The following LOXHD1 variants were observed in gnomAD, a reference collection of about 807,000 sequenced individuals.
LOXHD1 encodes lipoxygenase homology domain-containing protein 1.
A neutral mutation model predicts 248.2 loss-of-function variants in LOXHD1; 205 were observed. The observed-to-expected ratio is 0.83, with a 90% CI of 0.74 to 0.93. The LOEUF (loss-of-function observed/expected upper bound fraction) is 0.93. LOXHD1 is among the 40% of genes least tolerant of loss of function. LOXHD1 has a pLI of 0.00. For synonymous variants in LOXHD1, 1,113 were observed against 1,162.8 expected (o/e 0.96, Z 0.87); for missense variants, 2,930 against 2,971.6 (o/e 0.99, Z 0.33).
chr18:46,507,545 G>A lies in LOXHD1; in HGVS notation c.5685C>T (p.Asp1895=), dbSNP rs1271124648. 1.3e-6 allele frequency: 2 copies of A among 1,551,750 alleles called. No homozygotes were observed. ...TSYTVAVKTS[D]ILGAGTDANV... is the part of the protein sequence containing the mutation. ...GAGGGACCCCCGACCCACCCAGGATGTCGCTGGTCTTAACTGCGACGGTGT... is the reference window on the plus strand; with the variant it reads ...GAGGGACCCCCGACCCACCCAGGATATCGCTGGTCTTAACTGCGACGGTGT... Residue 1895 remains aspartate (D), a synonymous_variant, in exon 36 of 41, where the codon GAC becomes GAT. Transcript: ENST00000642948.
chr18:46,613,462 T>G (rs1415220252), intron 5 of LOXHD1, among the ~76,000 whole-genome samples: 3 of 152,132 alleles, frequency 2.0e-5, no homozygotes, highest in African/African-American at 4.8e-5. Flanking sequence ...GGTTTGTAAA[T>G]TCTCCTGGAT....
In LOXHD1 at chr18:46,522,151, C is replaced by T; in HGVS notation, c.5035G>A (p.Glu1679Lys). 1 of 1,551,648 alleles carries T rather than the reference C, an allele frequency of 6.4e-7. No individual in the cohort carries two copies. ...TCCAAGCCTGCGACGTAGAACTCCT[C>T]CACAGAGCCACGGCTGAAGCCCCTC... is the stretch of plus-strand genomic sequence containing the variant. ...GKRGFSRGSV[E>K]EFYVAGLDVG... The change falls in exon 32 of 41, where the codon GAG becomes AAG. Residue 1679 changes from glutamate to lysine, a missense_variant. Physicochemically the swap from Glu to Lys is moderately conservative, Grantham distance 56 (BLOSUM62 1). Transcript: ENST00000642948.
chr18:46,520,514 T>C lies in LOXHD1; in HGVS notation c.5271+583A>G, dbSNP rs146405804. The stretch of plus-strand genomic sequence containing the variant: ...CCTCCTGCCTGGCCTGACCTGTGCG[T>C]TTATATAATTTATCCCAGGTCATTT... On this transcript the variant is annotated intron_variant, in intron 33 of 40. Coordinates refer to ENST00000642948, the MANE Select transcript of LOXHD1 (RefSeq NM_001384474.1). 1.6e-3 allele frequency: 552 copies of C among 337,910 alleles called. 3 individuals are homozygous for C. Among genetic ancestry groups the C allele is most frequent in the African/African-American group, 0.011 (521 of 46,056 alleles). 20.9% of individuals were successfully genotyped at this position (337,910 alleles called of 1,614,324 possible). A position where few individuals can be genotyped will look rare whatever the true frequency, so the allele number is the denominator to read the frequency against.
chr18:46,581,313 A>C (rs1046526761), intron 12 of LOXHD1, among the ~76,000 whole-genome samples: 1 of 152,204 alleles, frequency 6.6e-6, no homozygotes, highest in Non-Finnish European at 1.5e-5. Flanking sequence ...GTGATGGATC[A>C]GATAGGTAAC....
At chr18:46,604,731 A>T (rs1411322999) in intron 6 of LOXHD1, among the ~76,000 whole-genome samples, 1 of 152,140 alleles carries the variant, frequency 6.6e-6, no homozygotes, top group Non-Finnish European at 1.5e-5. Context: ...CAGTAAGGCT[A>T]ATGGACTCTA....
intron 21 of LOXHD1, among the ~76,000 whole-genome samples, chr18:46,548,514 A>G (rs9949302): frequency 0.18 from 26,904 of 152,246 alleles, 2,586 homozygotes; most frequent in African/African-American, 0.24. Flanking sequence ...GGCAATATGA[A>G]CTAAGCTACC....
chr18:46,598,333 T>A (rs2038288596), intron 8 of LOXHD1, among the ~76,000 whole-genome samples: 3 of 152,126 alleles, frequency 2.0e-5, no homozygotes, highest in Admixed American at 2.0e-4. Flanking sequence ...TCTAAGAATG[T>A]CTACCATAAA....
intron 34 of LOXHD1, among the ~76,000 whole-genome samples, chr18:46,510,972 G>T (rs966468617): frequency 6.6e-6 from 1 of 152,130 alleles, no homozygotes; most frequent in Non-Finnish European, 1.5e-5. Flanking sequence ...CCTTACTCTT[G>T]CCAGGAGCAT....
At chr18:46,559,246 G>T in intron 20 of LOXHD1, 4 of 1,513,834 alleles carry the variant, frequency 2.6e-6, no homozygotes, top group African/African-American at 1.4e-5. Flanking sequence ...GGCTCTAGGT[G>T]CTGGGGCCCT....
chr18:46,504,566 C>T (rs577398276), intron 37 of LOXHD1, among the ~76,000 whole-genome samples: 1 of 152,172 alleles, frequency 6.6e-6, no homozygotes, highest in Non-Finnish European at 1.5e-5. Flanking sequence ...TATTTTATTG[C>T]CTTAAAGGCT....
chr18:46,601,085 C>T (rs191993527), intron 8 of LOXHD1, 132 bp downstream of exon 8: 1 of 1,234,428 alleles, frequency 8.1e-7, no homozygotes, highest in Non-Finnish European at 1.1e-6. Flanking sequence ...ACCCAAAATG[C>T]CCAATGAAAG....
rs79663149 is a variant in LOXHD1, at chr18:46,543,432, T to C, written c.3620-577A>G. 2.0e-4 allele frequency among the ~76,000 whole-genome samples: 30 copies of C among 152,328 alleles called. No individual in the cohort carries two copies. In the East Asian group the frequency reaches 4.8e-3, roughly 24 times the overall value. ...TTTATCTTTTAAAAAAAATTTTTTA[T>C]TACACTTTAAGTTCTGGGGTACACG... On this transcript the variant is annotated intron_variant, in intron 23 of 40. Coordinates refer to ENST00000642948, the MANE Select transcript of LOXHD1 (RefSeq NM_001384474.1).
At chr18:46,578,762 C>T (rs2037906308) in intron 13 of LOXHD1, among the ~76,000 whole-genome samples, 1 of 152,262 alleles carries the variant, frequency 6.6e-6, no homozygotes, top group South Asian at 2.1e-4. Flanking sequence ...CGACTCTGTA[C>T]TCAGCATCCA....
At chr18:46,533,108 G>C in intron 28 of LOXHD1, 54 bp downstream of exon 28, 2 of 1,536,600 alleles carry the variant, frequency 1.3e-6, no homozygotes, top group Middle Eastern at 1.9e-4. Context: ...TGCTCAGGAG[G>C]ACCAGGGTCC....
chr18:46,609,371 C>T (rs905089529), intron 6 of LOXHD1, among the ~76,000 whole-genome samples: 2 of 152,202 alleles, frequency 1.3e-5, no homozygotes, highest in Non-Finnish European at 2.9e-5. Context: ...GCACTTGAAT[C>T]TTCTGATCCT....
chr18:46,573,354 G>A (rs550941858), intron 14 of LOXHD1, among the ~76,000 whole-genome samples: 211 of 152,332 alleles, frequency 1.4e-3, no homozygotes, highest in Non-Finnish European at 2.6e-3. Context: ...CTCAGCCTGA[G>A]AAATCAATCA....
chr18:46,521,039 C>A (rs1416679081), intron 33 of LOXHD1, 58 bp downstream of exon 33: 1 of 1,520,064 alleles, frequency 6.6e-7, no homozygotes, highest in African/African-American at 1.4e-5. Flanking sequence ...CCTGCTGCTC[C>A]CCACCTCAAC....
intron 10 of LOXHD1, 78 bp from the exon 11 acceptor site, chr18:46,592,662 G>A: frequency 8.2e-7 from 1 of 1,220,752 alleles, no homozygotes. Flanking sequence ...CCACTCTCAG[G>A]AGGGTACCTG....
At chr18:46,617,837 A>C (rs1419810399) in intron 5 of LOXHD1, among the ~76,000 whole-genome samples, 1 of 152,156 alleles carries the variant, frequency 6.6e-6, no homozygotes, top group Non-Finnish European at 1.5e-5. Context: ...GCAACATCCC[A>C]AAGTATAATT....
Sources: gnomAD v4.1 joint callset for allele counts (sites outside exome capture counted in the v4.1 genomes callset) on GRCh38, gnomAD v4.1.1 for gene constraint, MANE v1.5 for transcripts, NCBI Gene and HGNC (gene_info 2026-07-23, HGNC 2026-07-21) for gene names.